TENM2: variants seen among roughly 807,000 people sequenced by gnomAD.
The protein encoded by TENM2 is teneurin-2.
In TENM2, 52 loss-of-function variants were observed where a neutral mutation model predicts 245.2. The ratio of observed to expected loss-of-function variants is 0.21; its 90% CI spans 0.17 to 0.27. The LOEUF is 0.27. Ranked by LOEUF, TENM2 falls within the 10% of genes least tolerant of loss-of-function variation. The pLI, the probability that TENM2 is intolerant of heterozygous loss-of-function variation, is 1.00. For synonymous variants in TENM2, 1,363 were observed against 1,438.9 expected (o/e 0.95, Z 1.19); for missense variants, 3,046 against 3,666.8 (o/e 0.83, Z 4.37).
chr5:168,255,170 G>T (rs1767537156), intron 27 of TENM2, among the ~76,000 whole-genome samples: 1 of 152,204 alleles, frequency 6.6e-6, no homozygotes. Context: ...GTATACAGAT[G>T]AAGTATTAAG....
chr5:167,952,480 C>T, intron 3 of TENM2, 108 bp from the exon 6 acceptor site: 3 of 911,374 alleles, frequency 3.3e-6, no homozygotes, highest in Non-Finnish European at 5.1e-6. Context: ...CAGCTTTCAG[C>T]AATTGTCAGC....
chr5:167,102,508 A>G, the TENM2 span, among the ~76,000 whole-genome samples: 1 of 152,196 alleles, frequency 6.6e-6, no homozygotes, highest in Non-Finnish European at 1.5e-5. Flanking sequence ...TCACACAGGA[A>G]GTGAGGGATG....
chr5:167,294,058 G>A (rs1754811293), intron 1 of TENM2, among the ~76,000 whole-genome samples: 1 of 152,030 alleles, frequency 6.6e-6, no homozygotes, highest in Non-Finnish European at 1.5e-5. Flanking sequence ...TTGCAAAGCT[G>A]AGTACGTTTG....
chr5:167,312,571 AG>A (rs1449331610), intron 1 of TENM2, among the ~76,000 whole-genome samples: 2 of 152,072 alleles, frequency 1.3e-5, no homozygotes, highest in Non-Finnish European at 2.9e-5. Flanking sequence ...ATTCCTAGGG[AG>A]GGCTGTATCA....
chr5:167,824,206 T>G (rs1030780736), intron 2 of TENM2, among the ~76,000 whole-genome samples: 1 of 152,188 alleles, frequency 6.6e-6, no homozygotes, highest in East Asian at 1.9e-4. Flanking sequence ...ATAAGGCCTC[T>G]TTTAATCCCT....
intron 3 of TENM2, among the ~76,000 whole-genome samples, chr5:167,946,920 T>C (rs752146065): frequency 3.2e-4 from 48 of 152,174 alleles, no homozygotes; most frequent in Non-Finnish European, 6.5e-4. Context: ...AATATTATTG[T>C]TTTGTTATCA....
chr5:167,153,094 TA>T, the TENM2 span, among the ~76,000 whole-genome samples: 1 of 138,108 alleles, frequency 7.2e-6, no homozygotes, highest in South Asian at 2.3e-4. Flanking sequence ...AATCAATGAA[TA>T]CATACACACA....
chr5:167,841,462 T>G (rs954546212), intron 2 of TENM2, among the ~76,000 whole-genome samples: 3 of 152,196 alleles, frequency 2.0e-5, no homozygotes, highest in Admixed American at 6.5e-5. Flanking sequence ...CCCTTGTGTA[T>G]ATATATGTGC....
the TENM2 span, among the ~76,000 whole-genome samples, chr5:166,989,297 G>T: frequency 9.0e-6 from 1 of 111,310 alleles, no homozygotes; most frequent in Non-Finnish European, 1.7e-5. Flanking sequence ...GTCTCTCTCT[G>T]TTGCCAGGCT....
At chr5:167,411,390 T>C (rs1013135221) in intron 2 of TENM2, among the ~76,000 whole-genome samples, 3 of 152,076 alleles carry the variant, frequency 2.0e-5, no homozygotes, top group African/African-American at 7.2e-5. Context: ...CCACTTTAAT[T>C]GTGAAGCATA....
chr5:167,542,674 T>C (rs548496462), intron 2 of TENM2, among the ~76,000 whole-genome samples: 8 of 152,324 alleles, frequency 5.3e-5, no homozygotes, highest in African/African-American at 1.7e-4. Flanking sequence ...TCATGAAGTT[T>C]TTGTTGTTTT....
chr5:167,392,007 G>C (rs1761787766), intron 2 of TENM2, among the ~76,000 whole-genome samples: 1 of 152,092 alleles, frequency 6.6e-6, no homozygotes, highest in Non-Finnish European at 1.5e-5. Flanking sequence ...TTTGCAGAAG[G>C]TAGTTCTTTG....
chr5:167,385,336 A>C lies in TENM2; in HGVS notation c.502+9863A>C, dbSNP rs139318587. Reference sequence around the variant, plus strand: ...CTTATCTCTAATCTTTTATATTTTTATCTCTCATTTTTTTAATCAGACTTG... The same window carrying C: ...CTTATCTCTAATCTTTTATATTTTTCTCTCTCATTTTTTTAATCAGACTTG... On this transcript the variant is annotated intron_variant, in intron 2 of 28. Transcript: ENST00000518659. 2.7e-3 allele frequency among the ~76,000 whole-genome samples: 401 copies of C among 148,552 alleles called. 1 individual carries two copies. The highest frequency in any genetic ancestry group is 9.6e-3 in the African/African-American group (382 of 39,978).
intron 2 of TENM2, chr5:167,721,304 G>A (rs1759612735): frequency 6.6e-6 from 1 of 151,170 alleles, no homozygotes; most frequent in African/African-American, 2.4e-5. Context: ...TGTATCTAAT[G>A]CAACTAAAAA....
intron 2 of TENM2, among the ~76,000 whole-genome samples, chr5:167,637,880 G>C (rs1284176740): frequency 6.6e-6 from 1 of 151,852 alleles, no homozygotes; most frequent in Non-Finnish European, 1.5e-5. Flanking sequence ...TTAAAACCTA[G>C]ATGACGGTTT....
rs889651435 is a variant in TENM2, at chr5:167,658,744, C to T, written c.503-217242C>T. Among the ~76,000 whole-genome samples, 2 of 152,086 alleles carry T rather than the reference C, an allele frequency of 1.3e-5. 1 individual carries two copies. The highest frequency in any genetic ancestry group is 4.8e-5 in the African/African-American group (2 of 41,420). On this transcript the variant is annotated intron_variant, in intron 2 of 28. Coordinates refer to ENST00000518659, the Ensembl canonical transcript of TENM2. ...CCTAGGATAGCACATGGGGTAATTT[C>T]TCAGGGTAGAAGGACTAATGTTTGG...
chr5:167,803,671 T>C (rs1308449667), intron 2 of TENM2, among the ~76,000 whole-genome samples: 2 of 152,090 alleles, frequency 1.3e-5, no homozygotes, highest in East Asian at 3.9e-4. Context: ...GACCTCATGC[T>C]CCTTTCCCTC....
At chr5:167,671,015 C>T (rs1431912050) in intron 2 of TENM2, among the ~76,000 whole-genome samples, 1 of 152,116 alleles carries the variant, frequency 6.6e-6, no homozygotes. Flanking sequence ...CCTGTCTACA[C>T]CCACCCAAAT....
chr5:168,067,610 C>T (rs1002726131), intron 7 of TENM2, among the ~76,000 whole-genome samples: 3 of 152,276 alleles, frequency 2.0e-5, no homozygotes, highest in East Asian at 3.9e-4. Context: ...CTCTGTCTTT[C>T]CTTGTCCCCT....
Sources: gnomAD v4.1 joint callset for allele counts (sites outside exome capture counted in the v4.1 genomes callset) on GRCh38, gnomAD v4.1.1 for gene constraint, MANE v1.5 for transcripts, NCBI Gene and HGNC (gene_info 2026-07-23, HGNC 2026-07-21) for gene names.